Variants in MSR1 observed in about 807,000 individuals in gnomAD.
MSR1 encodes the protein macrophage scavenger receptor 1, also known as macrophage scavenger receptor types I and II.
A neutral mutation model predicts 47.2 loss-of-function variants in MSR1; 53 were observed. The ratio of observed to expected loss-of-function variants is 1.12; its 90% confidence interval spans 0.90 to 1.41. MSR1 has a LOEUF of 1.41. MSR1 is among the 40% of genes most tolerant of loss of function. MSR1 has a pLI of 0.00. For synonymous variants in MSR1, 239 were observed against 185.6 expected, an observed-to-expected ratio of 1.29 and a Z score of -2.34; for missense variants, 786 against 546.9, an observed-to-expected ratio of 1.44 and a Z score of -4.36.
chr8:16,188,099 A>C lies in MSR1; in HGVS notation c.-5+4499T>G, dbSNP rs578056288. Among the ~76,000 whole-genome samples, 141 of 152,232 alleles carry C rather than the reference A, an allele frequency of 9.3e-4. 1 individual carries two copies. The Middle Eastern group carries it at 0.031, about 33-fold the overall frequency. Reference sequence around the variant, plus strand: ...CAGTGTGCTGATAAACGATTGTAAAATCCTTGGAGTTTGTGTAATCTATTA... The same window carrying C: ...CAGTGTGCTGATAAACGATTGTAAACTCCTTGGAGTTTGTGTAATCTATTA... On this transcript the variant is annotated intron_variant, in intron 1 of 9. Transcript: ENST00000262101.
intron 9 of MSR1, among the ~76,000 whole-genome samples, chr8:16,110,644 C>T (rs1343313852): frequency 6.6e-6 from 1 of 152,026 alleles, no homozygotes; most frequent in Non-Finnish European, 1.5e-5. Flanking sequence ...ATAAAATAAA[C>T]CGGAAAAAGG....
chr8:16,168,012 T>C (rs1801365803), intron 4 of MSR1, among the ~76,000 whole-genome samples: 1 of 152,130 alleles, frequency 6.6e-6, no homozygotes, highest in Non-Finnish European at 1.5e-5. Context: ...CATTGTCTTC[T>C]GACACCTTAA....
At chr8:16,190,820 C>T (rs1802178999) in intron 1 of MSR1, among the ~76,000 whole-genome samples, 1 of 151,482 alleles carries the variant, frequency 6.6e-6, no homozygotes, top group Non-Finnish European at 1.5e-5. Context: ...CTCCTGGGTT[C>T]ATGTGATTCT....
At chr8:16,131,006 T>C (rs1027649549) in intron 8 of MSR1, among the ~76,000 whole-genome samples, 1 of 152,122 alleles carries the variant, frequency 6.6e-6, no homozygotes, top group Non-Finnish European at 1.5e-5. Flanking sequence ...AGTAATGGGA[T>C]TGCTGGGTCA....
At chr8:16,124,834 A>T (rs781430845) in intron 8 of MSR1, among the ~76,000 whole-genome samples, 2 of 152,208 alleles carry the variant, frequency 1.3e-5, no homozygotes, top group African/African-American at 2.4e-5. Context: ...TAAATAAATG[A>T]ATGGTAAGCT....
chr8:16,179,669 C>A (rs1335546565), intron 1 of MSR1, among the ~76,000 whole-genome samples: 1 of 151,928 alleles, frequency 6.6e-6, no homozygotes, highest in Non-Finnish European at 1.5e-5. Flanking sequence ...CACCTGAGGT[C>A]AGGATTTCGA....
intron 1 of MSR1, among the ~76,000 whole-genome samples, chr8:16,181,521 C>T (rs528219254): frequency 1.3e-5 from 2 of 151,998 alleles, no homozygotes; most frequent in Non-Finnish European, 2.9e-5. Context: ...AAGCTGGAAA[C>T]CATAATTCTC....
intron 8 of MSR1, among the ~76,000 whole-genome samples, chr8:16,124,855 C>T (rs1424491853): frequency 6.6e-6 from 1 of 152,080 alleles, no homozygotes; most frequent in Non-Finnish European, 1.5e-5. Context: ...TCTCTTGATA[C>T]ATGAACTGCA....
chr8:16,168,306 C>A, intron 4 of MSR1, 152 bp downstream of exon 4: 1 of 754,516 alleles, frequency 1.3e-6, no homozygotes, highest in Non-Finnish European at 2.2e-6. Flanking sequence ...CCTTAACATT[C>A]GTTTAAAATC....
intron 3 of MSR1, 54 bp downstream of exon 3, chr8:16,175,133 A>G: frequency 7.0e-7 from 1 of 1,427,164 alleles, no homozygotes; most frequent in Non-Finnish European, 9.9e-7. Flanking sequence ...TTGCTTTGGC[A>G]ATGAATAATT....
Position 16,109,856 on chromosome 8 carries a change from C to T in MSR1, c.*229G>A, listed in dbSNP as rs1009031537. On this transcript the variant is annotated 3_prime_UTR_variant, in exon 10 of 10. Transcript: ENST00000262101. Reference sequence around the variant, plus strand: ...AAAATGTTCAATTCAGCATATAAGTCATTATATTAGAAAATTCCATTTAAA... The same window carrying T: ...AAAATGTTCAATTCAGCATATAAGTTATTATATTAGAAAATTCCATTTAAA... The T allele has an allele frequency of 4.3e-5, 24 of 563,166 alleles. No homozygotes were observed. Among genetic ancestry groups the T allele is most frequent in the African/African-American group, 4.2e-4 (22 of 52,982 alleles). 34.9% of individuals were successfully genotyped at this position (563,166 alleles called of 1,614,324 possible).
At chr8:16,126,654 A>G (rs1800135450) in intron 8 of MSR1, among the ~76,000 whole-genome samples, 1 of 152,162 alleles carries the variant, frequency 6.6e-6, no homozygotes, top group African/African-American at 2.4e-5. Flanking sequence ...CTCTAGAAAA[A>G]TAACATAACA....
At chr8:16,172,317 G>T (rs1217557532) in intron 3 of MSR1, among the ~76,000 whole-genome samples, 1 of 152,166 alleles carries the variant, frequency 6.6e-6, no homozygotes, top group Non-Finnish European at 1.5e-5. Flanking sequence ...AACATGAGGT[G>T]ACAGTAAATG....
chr8:16,152,779 C>A (rs1446312701), intron 6 of MSR1, among the ~76,000 whole-genome samples: 2 of 152,000 alleles, frequency 1.3e-5, no homozygotes, highest in Non-Finnish European at 2.9e-5. Context: ...TTGATCATGA[C>A]ATTTGCCTCC....
intron 3 of MSR1, among the ~76,000 whole-genome samples, chr8:16,173,325 G>A (rs1032984644): frequency 6.6e-6 from 1 of 152,188 alleles, no homozygotes; most frequent in Admixed American, 6.5e-5. Flanking sequence ...GGTCCCTGGT[G>A]CTGGTACTGC....
intron 9 of MSR1, among the ~76,000 whole-genome samples, chr8:16,118,289 G>A (rs1799923154): frequency 6.6e-6 from 1 of 152,132 alleles, no homozygotes; most frequent in Non-Finnish European, 1.5e-5. Context: ...GCATGGATAA[G>A]ACTCGTTATG....
At chr8:16,166,974 C>A (rs1403743469) in intron 4 of MSR1, among the ~76,000 whole-genome samples, 1 of 151,952 alleles carries the variant, frequency 6.6e-6, no homozygotes, top group Non-Finnish European at 1.5e-5. Flanking sequence ...CACACATGCA[C>A]GCACTGGCAC....
intron 1 of MSR1, among the ~76,000 whole-genome samples, chr8:16,186,790 C>T (rs1345961015): frequency 3.3e-5 from 4 of 120,354 alleles, no homozygotes; most frequent in African/African-American, 1.1e-4. Flanking sequence ...TGCCACCATG[C>T]CCATCTAGAG....
intron 8 of MSR1, among the ~76,000 whole-genome samples, chr8:16,134,342 T>C (rs1244614627): frequency 6.6e-6 from 1 of 152,136 alleles, no homozygotes; most frequent in Non-Finnish European, 1.5e-5. Context: ...AATCCATGTA[T>C]AGTGTTTTCC....
Sources: allele counts gnomAD v4.1 joint callset (sites outside exome capture counted in the v4.1 genomes callset), GRCh38; gene constraint gnomAD v4.1.1; transcripts MANE v1.5; gene names NCBI Gene and HGNC (gene_info 2026-07-23, HGNC 2026-07-21).